LDAH: variants seen among roughly 807,000 people sequenced by gnomAD.
LDAH encodes the protein lipid droplet associated hydrolase.
In LDAH, 26 loss-of-function variants were observed where a neutral mutation model predicts 29.6. The observed-to-expected ratio is 0.88, with a 90% CI of 0.64 to 1.22. LDAH has a LOEUF of 1.22. Among genes scored for constraint, LDAH ranks in the 50% most tolerant of loss-of-function variants. LDAH has a pLI of 0.00. For synonymous variants in LDAH, 117 were observed against 133.0 expected, an observed-to-expected ratio of 0.88 and a Z score of 0.83; for missense variants, 344 against 387.3, an observed-to-expected ratio of 0.89 and a Z score of 0.94.
At chr2:20,721,796 T>A (rs1454752916) in intron 5 of LDAH, among the ~76,000 whole-genome samples, 1 of 152,154 alleles carries the variant, frequency 6.6e-6, no homozygotes, top group Non-Finnish European at 1.5e-5. Flanking sequence ...TAGGTCTATA[T>A]CCAAAAGAAA....
chr2:20,732,160 C>T (rs1416338734), intron 5 of LDAH, among the ~76,000 whole-genome samples: 1 of 152,020 alleles, frequency 6.6e-6, no homozygotes, highest in East Asian at 1.9e-4. Context: ...TCTTCTTTAG[C>T]CTGTTAATAT....
intron 5 of LDAH, among the ~76,000 whole-genome samples, chr2:20,715,282 C>A (rs1391535578): frequency 6.6e-6 from 1 of 152,144 alleles, no homozygotes; most frequent in Non-Finnish European, 1.5e-5. Context: ...ACAAAAACCA[C>A]ATGATTATCT....
chr2:20,815,676 A>T (rs984020325), intron 1 of LDAH, among the ~76,000 whole-genome samples: 2 of 152,112 alleles, frequency 1.3e-5, no homozygotes, highest in African/African-American at 2.4e-5. Context: ...TCCATATAGG[A>T]CAAAACCACC....
chr2:20,735,675 ATTATG>A (rs888331138), intron 5 of LDAH, among the ~76,000 whole-genome samples: 7 of 151,992 alleles, frequency 4.6e-5, no homozygotes, highest in Admixed American at 2.0e-4. Context: ...CAGTTTGAGT[ATTATG>A]TTATGAGATT....
chr2:20,745,334 T>A (rs923603411), intron 4 of LDAH, among the ~76,000 whole-genome samples: 13 of 152,232 alleles, frequency 8.5e-5, no homozygotes, highest in African/African-American at 2.9e-4. Context: ...CATTTTGTTT[T>A]TCTAATAGAC....
intron 4 of LDAH, among the ~76,000 whole-genome samples, chr2:20,765,640 C>T (rs926553935): frequency 5.3e-5 from 8 of 152,130 alleles, no homozygotes; most frequent in Admixed American, 6.5e-5. Flanking sequence ...ACTCATTGGG[C>T]TGCATTCAGT....
At chr2:20,817,821 T>C (rs554197817) in intron 1 of LDAH, among the ~76,000 whole-genome samples, 2 of 152,236 alleles carry the variant, frequency 1.3e-5, no homozygotes, top group East Asian at 3.9e-4. Context: ...TACTCAGCAA[T>C]AAATAAAGAA....
chr2:20,688,780 G>A (rs1662763007), intron 6 of LDAH, among the ~76,000 whole-genome samples: 1 of 146,848 alleles, frequency 6.8e-6, no homozygotes, highest in Non-Finnish European at 1.5e-5. Flanking sequence ...TTATGAACAA[G>A]TAAACCTCAA....
intron 6 of LDAH, among the ~76,000 whole-genome samples, chr2:20,688,828 CTTTTTTTTTTTT>C (rs57543886): frequency 6.2e-5 from 7 of 112,020 alleles, no homozygotes; most frequent in African/African-American, 1.4e-4. Context: ...TGGAGGTTTC[CTTTTTTTTTTTT>C]TTTTTTTTTT....
intron 2 of LDAH, among the ~76,000 whole-genome samples, chr2:20,797,990 A>T (rs1000203753): frequency 6.6e-6 from 1 of 152,208 alleles, no homozygotes; most frequent in African/African-American, 2.4e-5. Context: ...AAATGTGGGT[A>T]GAGAATCTTC....
At chr2:20,816,684 A>G (rs1672871919) in intron 1 of LDAH, among the ~76,000 whole-genome samples, 1 of 152,092 alleles carries the variant, frequency 6.6e-6, no homozygotes, top group Non-Finnish European at 1.5e-5. Flanking sequence ...TAGACGATCA[A>G]GAAGACACAG....
At chr2:20,697,784 T>C (rs1419560609) in intron 6 of LDAH, among the ~76,000 whole-genome samples, 1 of 152,096 alleles carries the variant, frequency 6.6e-6, no homozygotes, top group East Asian at 1.9e-4. Context: ...TTTGGAAAAA[T>C]TTACATGTTT....
At chr2:20,695,792 A>G (rs1044424292) in intron 6 of LDAH, among the ~76,000 whole-genome samples, 1 of 152,186 alleles carries the variant, frequency 6.6e-6, no homozygotes, top group Non-Finnish European at 1.5e-5. Context: ...GAATTATAGC[A>G]TATTTTTGGA....
At position 20,800,520 on chromosome 2, in the gene LDAH, G is replaced by A. The variant is rs188319177; in HGVS notation, c.154+790C>T. On this transcript the variant is annotated intron_variant, in intron 2 of 6. Coordinates refer to ENST00000237822, the MANE Select transcript of LDAH (RefSeq NM_021925.4). The stretch of plus-strand genomic sequence containing the variant: ...AAATGCATTTTGAATACCTGCAATC[G>A]CTCAAGCATCTGTCCCTAATTCTAT... Among the ~76,000 whole-genome samples the A allele has an allele frequency of 1.6e-3, 238 of 152,286 alleles. 2 individuals are homozygous for A. Among genetic ancestry groups the A allele is most frequent in the African/African-American group, 5.3e-3 (221 of 41,542 alleles).
Position 20,698,852 on chromosome 2 carries a change from G to A in LDAH, c.786+2718C>T, listed in dbSNP as rs1244350417. Among the ~76,000 whole-genome samples the A allele has an allele frequency of 6.6e-6, 1 of 152,168 alleles. No individual in the cohort carries two copies. Among genetic ancestry groups the A allele is most frequent in the Non-Finnish European group, 1.5e-5 (1 of 68,032 alleles). ...ATAAAGTCACTGGACCTCAGAAGGA[G>A]GATAATCAGCTCAACAGATCTTTTA... On this transcript the variant is annotated intron_variant, in intron 6 of 6. Transcript: ENST00000237822. The surrounding 1 kb of genome is among the most constrained non-coding windows in gnomAD (Gnocchi z 4.4).
Position 20,698,694 on chromosome 2 carries a change from A to C in LDAH, c.786+2876T>G, listed in dbSNP as rs886519006. Among the ~76,000 whole-genome samples the C allele has an allele frequency of 2.6e-5, 4 of 152,230 alleles. No homozygotes were observed. The highest frequency in any genetic ancestry group is 9.6e-5 in the African/African-American group (4 of 41,462). The stretch of plus-strand genomic sequence containing the variant: ...GACTCTGTCTCAAAAAAACAAAAAA[A>C]GGAAAAAGAAATAACCTATGATGCC... On this transcript the variant is annotated intron_variant, in intron 6 of 6. Transcript: ENST00000237822. This position sits in a 1 kb window ranked among gnomAD's most constrained non-coding sequence, Gnocchi z 4.4.
chr2:20,773,450 C>T (rs1256052103), intron 4 of LDAH, among the ~76,000 whole-genome samples: 1 of 152,034 alleles, frequency 6.6e-6, no homozygotes, highest in Non-Finnish European at 1.5e-5. Flanking sequence ...TGACACAGTA[C>T]TAGAGGAGAC....
In LDAH at chr2:20,684,720, A is replaced by G; in HGVS notation, c.*2183T>C. The G allele has an allele frequency of 1.4e-6, 1 of 699,250 alleles. No individual in the cohort carries two copies. The highest frequency in any genetic ancestry group is 2.3e-6 in the Non-Finnish European group (1 of 440,820). The allele number at this position is 699,250 out of a possible 1,614,324, so 43.3% of individuals were successfully genotyped here. A position where few individuals can be genotyped will look rare whatever the true frequency, so the allele number is the denominator to read the frequency against. On this transcript the variant is annotated 3_prime_UTR_variant, in exon 7 of 7. Coordinates refer to ENST00000237822, the MANE Select transcript of LDAH (RefSeq NM_021925.4). Reference sequence around the variant, plus strand: ...GGCTGGGAACAGACTAGGAACAAACACGGGTGTGGTCAAAGCTCAATCGCT... The same window carrying G: ...GGCTGGGAACAGACTAGGAACAAACGCGGGTGTGGTCAAAGCTCAATCGCT...
At chr2:20,763,921 C>A (rs1212637966) in intron 4 of LDAH, among the ~76,000 whole-genome samples, 1 of 151,678 alleles carries the variant, frequency 6.6e-6, no homozygotes, top group Non-Finnish European at 1.5e-5. Context: ...AAAAATTAGC[C>A]CTTTGTGGTG....
Sources: gnomAD v4.1 joint callset for allele counts (sites outside exome capture counted in the v4.1 genomes callset) on GRCh38, gnomAD v4.1.1 for gene constraint, Gnocchi (gnomAD v3.1) non-coding constraint, MANE v1.5 for transcripts, NCBI Gene and HGNC (gene_info 2026-07-23, HGNC 2026-07-21) for gene names.